The following UTP25 variants were observed in gnomAD, a reference collection of about 807,000 sequenced individuals.
UTP25 encodes UTP25 small subunit processome component, also known as U3 small nucleolar RNA-associated protein 25 homolog.
UTP25 carries 50 observed loss-of-function variants against 78.9 expected under a neutral mutation model. The ratio of observed to expected loss-of-function variants is 0.63; its 90% CI spans 0.50 to 0.80. The LOEUF is 0.80. Ranked by LOEUF, UTP25 falls within the 30% of genes least tolerant of loss-of-function variation. UTP25 has a pLI of 0.00. For missense variants in UTP25, 846 were observed against 911.3 expected (o/e 0.93, Z 0.92); for synonymous variants, 329 against 336.5 (o/e 0.98, Z 0.24).
At chr1:209,836,316 T>C (rs996099158) in intron 5 of UTP25, among the ~76,000 whole-genome samples, 2 of 152,254 alleles carry the variant, frequency 1.3e-5, no homozygotes, top group African/African-American at 4.8e-5. Flanking sequence ...TAGAAAATAG[T>C]ATTCCTTAGG....
At chr1:209,829,572 C>T (rs1008967641) in intron 1 of UTP25, among the ~76,000 whole-genome samples, 1 of 151,958 alleles carries the variant, frequency 6.6e-6, no homozygotes, top group Non-Finnish European at 1.5e-5. Context: ...CAGCCACCAC[C>T]TCCTGGGCTC....
At chr1:209,842,541 G>A in intron 9 of UTP25, 42 bp from the exon 10 acceptor site, 4 of 1,611,566 alleles carry the variant, frequency 2.5e-6, no homozygotes, top group Non-Finnish European at 3.4e-6. Context: ...TGGTCAAGAA[G>A]GGGATGGCTG....
chr1:209,836,021 A>T (rs1171832632), intron 5 of UTP25, among the ~76,000 whole-genome samples: 1 of 152,104 alleles, frequency 6.6e-6, no homozygotes, highest in African/African-American at 2.4e-5. Flanking sequence ...TTTTATAACC[A>T]TATCTGCCTC....
chr1:209,828,055 G>A lies in UTP25; in HGVS notation c.-9G>A, dbSNP rs2078078120. The A allele has an allele frequency of 1.9e-6, 3 of 1,613,236 alleles. No individual in the cohort carries two copies. The South Asian group carries it at 3.3e-5, about 18-fold the overall frequency. On this transcript the variant is annotated 5_prime_UTR_variant, in exon 1 of 12. Coordinates refer to ENST00000491415, the MANE Select transcript of UTP25 (RefSeq NM_014388.7). ...ACTCTTGCAAGTGGGCAAACTTGAC[G>A]TTTTCGCTATGGGCAAACGCGGGAG...
At position 209,853,144 on chromosome 1, in the gene UTP25, T is replaced by C. The variant is rs889520967; in HGVS notation, c.*1697T>C. On this transcript the variant is annotated 3_prime_UTR_variant, in exon 12 of 12. Transcript: ENST00000491415. ...ATGGTAAGTAAAACCATTTATTCCA[T>C]ATTTAGATGGTTTTCTAAATTTCAG... 3.9e-5 allele frequency: 6 copies of C among 152,202 alleles called. No homozygotes were observed. Among genetic ancestry groups the C allele is most frequent in the African/African-American group, 1.4e-4 (6 of 41,434 alleles). 9.4% of individuals were successfully genotyped at this position (152,202 alleles called of 1,614,324 possible). A position where few individuals can be genotyped will look rare whatever the true frequency, so the allele number is the denominator to read the frequency against.
At chr1:209,831,992 A>G (rs180868053) in intron 3 of UTP25, among the ~76,000 whole-genome samples, 1,520 of 148,406 alleles carry the variant, frequency 0.01, 24 homozygotes, top group African/African-American at 0.035. Context: ...TTATAGCCTT[A>G]TTTTTTTTTT....
At chr1:209,847,938 C>T (rs1175391037) in intron 11 of UTP25, among the ~76,000 whole-genome samples, 1 of 152,230 alleles carries the variant, frequency 6.6e-6, no homozygotes, top group Non-Finnish European at 1.5e-5. Context: ...TGCTTTTTTA[C>T]TTTTTCATGA....
intron 3 of UTP25, among the ~76,000 whole-genome samples, chr1:209,831,847 G>C (rs774178555): frequency 2.6e-5 from 4 of 152,032 alleles, no homozygotes; most frequent in Non-Finnish European, 5.9e-5. Flanking sequence ...AGCTATTTTT[G>C]CTTCTCATGT....
Position 209,843,320 on chromosome 1 carries a change from G to C in UTP25, c.1782-131G>C, listed in dbSNP as rs144432816. On this transcript the variant is annotated intron_variant, in intron 10 of 11. Coordinates refer to ENST00000491415, the MANE Select transcript of UTP25 (RefSeq NM_014388.7). Reference sequence around the variant, plus strand: ...TCCTTACATAATCTCTTTGAGAGGAGGTAAATCATATTGGCCTCTGGGGAG... The same window carrying C: ...TCCTTACATAATCTCTTTGAGAGGACGTAAATCATATTGGCCTCTGGGGAG... 636 of 1,068,918 alleles carry C rather than the reference G, an allele frequency of 5.9e-4. 2 individuals carry two copies. In the African/African-American group the frequency reaches 9.2e-3, roughly 16 times the overall value. The allele number at this position is 1,068,918 out of a possible 1,614,324, so 66.2% of individuals were successfully genotyped here. A position where few individuals can be genotyped will look rare whatever the true frequency, so the allele number is the denominator to read the frequency against.
In UTP25 at chr1:209,833,376, G is replaced by A; in HGVS notation, c.562+18G>A. 6.6e-7 allele frequency: 1 copy of A among 1,504,222 alleles called. No homozygotes were observed. The highest frequency in any genetic ancestry group is 8.9e-7 in the Non-Finnish European group (1 of 1,128,820). 93.2% of individuals were successfully genotyped at this position (1,504,222 alleles called of 1,614,324 possible). The stretch of plus-strand genomic sequence containing the variant: ...CTCTCAAGGTCATAGCACAGTGTGT[G>A]TTATTTGAATTCACCAGGTGCTTAG... On this transcript the variant is annotated intron_variant, in intron 4 of 11. Coordinates refer to ENST00000491415, the MANE Select transcript of UTP25 (RefSeq NM_014388.7).
At position 209,843,463 on chromosome 1, in the gene UTP25, T is replaced by G; in HGVS notation, c.1794T>G (p.Phe598Leu). The change falls in exon 11 of 12, where the codon TTT (phenylalanine) becomes TTG (leucine). Residue 598 changes from phenylalanine to leucine, a missense_variant. Transcript: ENST00000491415. ...CATTCCAAATCAGGTTTAACTTTTT[T>G]GTGAACAAGATTTTGCCACAGTATC... ...ASVIDARFNF[F>L]VNKILPQYRD... is the part of the protein sequence containing the mutation. The G allele has an allele frequency of 1.2e-6, 2 of 1,613,922 alleles. No individual in the cohort carries two copies. The highest frequency in any genetic ancestry group is 1.7e-6 in the Non-Finnish European group (2 of 1,179,856).
intron 6 of UTP25, among the ~76,000 whole-genome samples, chr1:209,837,621 A>T (rs2078141019): frequency 6.6e-6 from 1 of 152,204 alleles, no homozygotes; most frequent in Admixed American, 6.5e-5. Flanking sequence ...TGCTAAAGAG[A>T]ACCAGGGAAA....
intron 4 of UTP25, among the ~76,000 whole-genome samples, chr1:209,833,768 A>T (rs1011833177): frequency 6.6e-6 from 1 of 152,142 alleles, no homozygotes; most frequent in African/African-American, 2.4e-5. Context: ...AGTGGTCTTT[A>T]TTACCAGGGA....
At chr1:209,832,281 T>C (rs1024429335) in intron 3 of UTP25, among the ~76,000 whole-genome samples, 1 of 152,202 alleles carries the variant, frequency 6.6e-6, no homozygotes, top group Non-Finnish European at 1.5e-5. Context: ...TTTATGATTA[T>C]ATATGAGTAT....
In UTP25 at chr1:209,854,827, G is replaced by C. The variant is rs182985732; in HGVS notation, c.*3380G>C. 1 of 152,336 alleles carries C rather than the reference G, an allele frequency of 6.6e-6. No homozygotes were observed. Among genetic ancestry groups the C allele is most frequent in the Admixed American group, 6.5e-5 (1 of 15,292 alleles). 9.4% of individuals were successfully genotyped at this position (152,336 alleles called of 1,614,324 possible). A position where few individuals can be genotyped will look rare whatever the true frequency, so the allele number is the denominator to read the frequency against. ...TAATGTCAGTGGAATGCTCAGAAGT[G>C]GCTCTTTTCAGGGCACGGCTTCTGA... On this transcript the variant is annotated 3_prime_UTR_variant, in exon 12 of 12. Transcript: ENST00000491415.
intron 6 of UTP25, 135 bp downstream of exon 6, chr1:209,837,346 T>C (rs1219414477): frequency 9.6e-7 from 1 of 1,037,386 alleles, no homozygotes; most frequent in African/African-American, 1.6e-5. Flanking sequence ...TGTGAGCATA[T>C]TAAGTAGGCC....
At chr1:209,828,192 C>G (rs1038478234) in intron 1 of UTP25, 22 bp downstream of exon 1, 1 of 1,580,924 alleles carries the variant, frequency 6.3e-7, no homozygotes, top group African/African-American at 1.3e-5. Context: ...CGTGGCAGGG[C>G]TCCCCAGTCG....
chr1:209,845,938 C>T (rs1011155498), intron 11 of UTP25, among the ~76,000 whole-genome samples: 20 of 148,168 alleles, frequency 1.3e-4, no homozygotes, highest in African/African-American at 4.0e-4. Flanking sequence ...CCCGCTGCAG[C>T]GTCTGCCTCT....
In UTP25 at chr1:209,854,793, G is replaced by A. The variant is rs1314842451; in HGVS notation, c.*3346G>A. The A allele has an allele frequency of 2.6e-5, 4 of 152,210 alleles. No individual in the cohort carries two copies. Among genetic ancestry groups the A allele is most frequent in the South Asian group, 2.1e-4 (1 of 4,824 alleles). The allele number at this position is 152,210 out of a possible 1,614,324, so 9.4% of individuals were successfully genotyped here. A position where few individuals can be genotyped will look rare whatever the true frequency, so the allele number is the denominator to read the frequency against. On this transcript the variant is annotated 3_prime_UTR_variant, in exon 12 of 12. Transcript: ENST00000491415. ...AGGGGCCTGAGGTGCCCAAAGCTTCGTGGAAAAGTAATGTCAGTGGAATGC... is the reference window on the plus strand; with the variant it reads ...AGGGGCCTGAGGTGCCCAAAGCTTCATGGAAAAGTAATGTCAGTGGAATGC...
Sources: gnomAD v4.1 joint callset for allele counts (sites outside exome capture counted in the v4.1 genomes callset) on GRCh38, gnomAD v4.1.1 for gene constraint, MANE v1.5 for transcripts, NCBI Gene and HGNC (gene_info 2026-07-23, HGNC 2026-07-21) for gene names.